MSH3: variants seen among roughly 807,000 people sequenced by gnomAD.
MSH3 encodes DNA mismatch repair protein Msh3.
A neutral mutation model predicts 123.3 loss-of-function variants in MSH3; 106 were observed. The ratio of observed to expected loss-of-function variants is 0.86; its 90% confidence interval spans 0.73 to 1.01. The LOEUF (loss-of-function observed/expected upper bound fraction) is 1.01. MSH3 is among the 50% of genes least tolerant of loss of function. The pLI is 0.00. For missense variants in MSH3, 1,459 were observed against 1,347.6 expected (o/e 1.08, Z -1.29); for synonymous variants, 515 against 481.4 (o/e 1.07, Z -0.91).
Position 80,656,490 on chromosome 5 carries a change from A to G in MSH3, c.317A>G (p.Gln106Arg), listed in dbSNP as rs763423180. 8 of 1,614,210 alleles carry G rather than the reference A, an allele frequency of 5.0e-6. No homozygotes were observed. The South Asian group carries it at 8.8e-5, about 18-fold the overall frequency. Residue 106 changes from glutamine to arginine, a missense_variant, in exon 2 of 24, where the codon CAA becomes CGA. Physicochemically the swap from Gln to Arg is conservative, Grantham distance 43. Coordinates refer to ENST00000265081, the MANE Select transcript of MSH3 (RefSeq NM_002439.5). ...PVKKKVKKVQ[Q>R]KEGGSDLGMS... ...AAAAAGAAAGTAAAGAAAGTCCAAC[A>G]AAAGGAAGGAGGAAGTGATCTGGGA...
At chr5:80,736,221 G>A (rs529843084) in intron 10 of MSH3, among the ~76,000 whole-genome samples, 20 of 151,502 alleles carry the variant, frequency 1.3e-4, no homozygotes, top group Admixed American at 8.6e-4. Flanking sequence ...GCGAGACTCC[G>A]TCCCTCACCC....
Position 80,711,723 on chromosome 5 carries a change from C to T in MSH3, c.1341-13730C>T, listed in dbSNP as rs187647447. Among the ~76,000 whole-genome samples the T allele has an allele frequency of 9.2e-5, 14 of 151,948 alleles. No homozygotes were observed. In the East Asian group the frequency reaches 9.7e-4, roughly 11 times the overall value. On this transcript the variant is annotated intron_variant, in intron 8 of 23. Coordinates refer to ENST00000265081, the MANE Select transcript of MSH3 (RefSeq NM_002439.5). ...AGGCTGGAGTACAATGGTGTCATCTCGGCTCACTGCAACCTCCGCCTCCTG... is the reference window on the plus strand; with the variant it reads ...AGGCTGGAGTACAATGGTGTCATCTTGGCTCACTGCAACCTCCGCCTCCTG...
At chr5:80,873,379 T>C in intron 23 of MSH3, 92 bp downstream of exon 23, 1 of 1,314,878 alleles carries the variant, frequency 7.6e-7, no homozygotes. Flanking sequence ...GAACATCAGG[T>C]CTACTTTTAA....
chr5:80,694,402 TA>T (rs1750423403), intron 8 of MSH3, among the ~76,000 whole-genome samples: 1 of 152,158 alleles, frequency 6.6e-6, no homozygotes, highest in Non-Finnish European at 1.5e-5. Context: ...GAGTGAAATA[TA>T]AAAACTTTAC....
intron 16 of MSH3, among the ~76,000 whole-genome samples, chr5:80,777,084 A>G (rs1744320351): frequency 6.6e-6 from 1 of 151,874 alleles, no homozygotes; most frequent in African/African-American, 2.4e-5. Flanking sequence ...GGCACCTGCC[A>G]CCACAGACGG....
chr5:80,772,882 C>G (rs942930436), intron 15 of MSH3, among the ~76,000 whole-genome samples: 1 of 152,170 alleles, frequency 6.6e-6, no homozygotes, highest in Non-Finnish European at 1.5e-5. Flanking sequence ...CAGGATCAGT[C>G]CAAGGACCAG....
intron 8 of MSH3, among the ~76,000 whole-genome samples, chr5:80,720,399 T>C (rs1420938572): frequency 1.3e-5 from 2 of 152,172 alleles, no homozygotes; most frequent in Non-Finnish European, 2.9e-5. Flanking sequence ...CAACCTTTTG[T>C]ATTTGTTACT....
At chr5:80,658,696 C>G (rs916301456) in intron 2 of MSH3, among the ~76,000 whole-genome samples, 6 of 152,086 alleles carry the variant, frequency 3.9e-5, no homozygotes, top group African/African-American at 1.4e-4. Flanking sequence ...GGGCTCAAGC[C>G]ATCCTCCTGC....
At chr5:80,694,460 TTAA>T (rs1750424509) in intron 8 of MSH3, among the ~76,000 whole-genome samples, 1 of 152,162 alleles carries the variant, frequency 6.6e-6, no homozygotes, top group African/African-American at 2.4e-5. Context: ...TATAATTACC[TTAA>T]ATATTATAAT....
chr5:80,846,753 T>C (rs1208570179), intron 20 of MSH3, among the ~76,000 whole-genome samples: 1 of 152,250 alleles, frequency 6.6e-6, no homozygotes, highest in Non-Finnish European at 1.5e-5. Flanking sequence ...GGTCTGCCGG[T>C]TGCAAAGACC....
At chr5:80,685,087 C>T (rs1750056901) in intron 8 of MSH3, among the ~76,000 whole-genome samples, 1 of 151,700 alleles carries the variant, frequency 6.6e-6, no homozygotes, top group South Asian at 2.1e-4. Flanking sequence ...AGGATTTTCG[C>T]ATCAATATTC....
At chr5:80,834,678 T>A (rs922536490) in intron 20 of MSH3, among the ~76,000 whole-genome samples, 3 of 148,942 alleles carry the variant, frequency 2.0e-5, no homozygotes, top group Non-Finnish European at 3.0e-5. Context: ...AAAATAATAA[T>A]ACTTAAAAAT....
intron 20 of MSH3, among the ~76,000 whole-genome samples, chr5:80,824,293 C>T (rs950388797): frequency 2.0e-5 from 3 of 152,188 alleles, no homozygotes; most frequent in African/African-American, 7.2e-5. Context: ...CCCCTCACCT[C>T]CCGGACGGGG....
Position 80,787,567 on chromosome 5 carries a change from A to G in MSH3, c.2438A>G (p.Lys813Arg), listed in dbSNP as rs150446804. Reference protein sequence around the residue: ...CSAEWLDFLEKFSEHYHSLCK... With the variant: ...CSAEWLDFLERFSEHYHSLCK... ...TGTTGTTGCTGCTGCTTCCGTAGGA[A>G]ATTCAGTGAACATTATCACTCCTTG... Residue 813 changes from lysine to arginine, a missense_variant and splice_region_variant, in exon 18 of 24, where the codon AAA (lysine) becomes AGA (arginine). Transcript: ENST00000265081. 520 of 1,611,422 alleles carry G rather than the reference A, an allele frequency of 3.2e-4. No homozygotes were observed. Among genetic ancestry groups the G allele is most frequent in the Admixed American group, 4.7e-4 (28 of 60,004 alleles).
At chr5:80,664,800 T>C (rs1236410189) in intron 2 of MSH3, among the ~76,000 whole-genome samples, 1 of 152,142 alleles carries the variant, frequency 6.6e-6, no homozygotes, top group Non-Finnish European at 1.5e-5. Flanking sequence ...TGGTTACTGT[T>C]CATTTGTTTT....
chr5:80,777,918 A>C (rs1011862684), intron 16 of MSH3, among the ~76,000 whole-genome samples: 1 of 152,170 alleles, frequency 6.6e-6, no homozygotes, highest in Non-Finnish European at 1.5e-5. Flanking sequence ...GCGCTCTCCT[A>C]AGTTTTATTT....
chr5:80,842,239 C>G (rs903415809), intron 20 of MSH3, among the ~76,000 whole-genome samples: 14 of 152,070 alleles, frequency 9.2e-5, no homozygotes, highest in African/African-American at 3.1e-4. Context: ...ATTTCTGAGG[C>G]CTCTGTTCTA....
chr5:80,759,002 A>G (rs897727499), intron 12 of MSH3, among the ~76,000 whole-genome samples: 1 of 152,242 alleles, frequency 6.6e-6, no homozygotes, highest in Admixed American at 6.5e-5. Context: ...ATTTTGGGTA[A>G]ATGTTAGAGT....
intron 8 of MSH3, among the ~76,000 whole-genome samples, chr5:80,717,193 A>C (rs1043929452): frequency 3.9e-5 from 6 of 152,176 alleles, no homozygotes; most frequent in Non-Finnish European, 8.8e-5. Context: ...TCTTTTTGAC[A>C]TACTGAGTTT....
Sources: allele counts gnomAD v4.1 joint callset (sites outside exome capture counted in the v4.1 genomes callset), GRCh38; gene constraint gnomAD v4.1.1; transcripts MANE v1.5; gene names NCBI Gene and HGNC (gene_info 2026-07-23, HGNC 2026-07-21).